Variants in ANKRD17 observed in about 807,000 individuals in gnomAD.
The protein encoded by ANKRD17 is ankyrin repeat domain 17, also known as ankyrin repeat domain-containing protein 17.
ANKRD17 carries 19 observed loss-of-function variants against 229.7 expected under a neutral mutation model. That is an observed-to-expected ratio of 0.08 (90% CI 0.06 to 0.12). The LOEUF (loss-of-function observed/expected upper bound fraction) is 0.12. Ranked by LOEUF, ANKRD17 falls within the 10% of genes least tolerant of loss-of-function variation. ANKRD17 has a pLI of 1.00. For synonymous variants in ANKRD17, 1,112 were observed against 1,146.1 expected (o/e 0.97, Z 0.60); for missense variants, 2,176 against 3,176.8 (o/e 0.68, Z 7.57).
intron 2 of ANKRD17, among the ~76,000 whole-genome samples, chr4:73,172,148 A>G (rs914131032): frequency 6.6e-6 from 1 of 152,228 alleles, no homozygotes; most frequent in African/African-American, 2.4e-5. Flanking sequence ...CCAAAGGTCA[A>G]GGAGGTAAGG....
chr4:73,172,899 T>A (rs2148971653), intron 2 of ANKRD17, among the ~76,000 whole-genome samples: 1 of 151,300 alleles, frequency 6.6e-6, no homozygotes, highest in African/African-American at 2.4e-5. Flanking sequence ...AAGAAGGAAG[T>A]TAACAATACA....
chr4:73,102,121 A>G (rs1295577761), intron 25 of ANKRD17, among the ~76,000 whole-genome samples: 1 of 151,904 alleles, frequency 6.6e-6, no homozygotes, highest in Non-Finnish European at 1.5e-5. Context: ...CAGATAATTA[A>G]AAAAAATTTT....
chr4:73,236,307 C>T (rs1225421421), intron 1 of ANKRD17, among the ~76,000 whole-genome samples: 1 of 152,112 alleles, frequency 6.6e-6, no homozygotes, highest in Non-Finnish European at 1.5e-5. Flanking sequence ...CAGTACGTGC[C>T]ACCACACCCA....
intron 1 of ANKRD17, among the ~76,000 whole-genome samples, chr4:73,208,289 G>A (rs550768451): frequency 6.7e-6 from 1 of 149,820 alleles, no homozygotes; most frequent in East Asian, 2.0e-4. Flanking sequence ...CTTTTCTAAT[G>A]CCCATAAAAA....
chr4:73,089,602 A>AT (rs1261635118), intron 29 of ANKRD17, among the ~76,000 whole-genome samples: 5 of 152,284 alleles, frequency 3.3e-5, no homozygotes, highest in Non-Finnish European at 7.3e-5. Context: ...ACCAATATTA[A>AT]TTTTTTTAGT....
intron 1 of ANKRD17, among the ~76,000 whole-genome samples, chr4:73,231,829 T>C (rs774997962): frequency 2.6e-5 from 4 of 152,174 alleles, no homozygotes; most frequent in Non-Finnish European, 5.9e-5. Context: ...CAACGGCTGA[T>C]AGTTTAATCA....
intron 2 of ANKRD17, among the ~76,000 whole-genome samples, chr4:73,163,784 A>G (rs1486016505): frequency 6.6e-6 from 1 of 152,184 alleles, no homozygotes; most frequent in Non-Finnish European, 1.5e-5. Flanking sequence ...CTCTGCCTTT[A>G]AAATATTTTT....
chr4:73,212,074 CA>C (rs1377622829), intron 1 of ANKRD17, among the ~76,000 whole-genome samples: 1 of 152,072 alleles, frequency 6.6e-6, no homozygotes, highest in Non-Finnish European at 1.5e-5. Flanking sequence ...CTTCTTTATA[CA>C]ATATATACAC....
intron 1 of ANKRD17, among the ~76,000 whole-genome samples, chr4:73,227,413 A>G (rs1401439424): frequency 1.3e-5 from 2 of 152,140 alleles, no homozygotes; most frequent in Non-Finnish European, 2.9e-5. Context: ...TTGGCCTCCC[A>G]AAGTGCTGGG....
chr4:73,258,305 C>A lies in ANKRD17; in HGVS notation c.364G>T (p.Asp122Tyr). The change falls in exon 1 of 34, where the codon GAC becomes TAC. Residue 122 changes from aspartate (D) to tyrosine (Y), a missense_variant. Around this residue, in one of 18 missense-constraint regions of ANKRD17, gnomAD observed 196 missense variants for 190.0 expected, o/e 1.03. Coordinates refer to ENST00000358602, the MANE Select transcript of ANKRD17 (RefSeq NM_032217.5). The part of the protein sequence containing the change: ...SSNNSEEEED[D>Y]DDEEEEVSEV... ...GAAACCTCCTCTTCCTCGTCGTCGT[C>A]GTCCTCTTCTTCCTCGCTGTTGTTA... is the stretch of plus-strand genomic sequence containing the variant. The A allele has an allele frequency of 3.1e-6, 5 of 1,613,854 alleles. No homozygotes were observed. Among genetic ancestry groups the A allele is most frequent in the Non-Finnish European group, 4.2e-6 (5 of 1,180,008 alleles).
chr4:73,120,386 G>A (rs1046620663), intron 20 of ANKRD17, 49 bp from the exon 21 acceptor site: 3 of 1,537,860 alleles, frequency 2.0e-6, no homozygotes, highest in East Asian at 2.3e-5. Context: ...AGACTGGAAA[G>A]ATCTAAAATT....
chr4:73,190,111 G>A (rs1158995955), intron 1 of ANKRD17, among the ~76,000 whole-genome samples: 1 of 152,158 alleles, frequency 6.6e-6, no homozygotes, highest in Non-Finnish European at 1.5e-5. Context: ...GCTTACACCT[G>A]TAATCCTAGC....
chr4:73,114,185 A>G (rs1181897657), intron 23 of ANKRD17, among the ~76,000 whole-genome samples: 1 of 152,358 alleles, frequency 6.6e-6, no homozygotes, highest in East Asian at 1.9e-4. Context: ...TAATTTAAAT[A>G]TAAGAAATTG....
intron 1 of ANKRD17, among the ~76,000 whole-genome samples, chr4:73,220,258 G>A (rs1057497578): frequency 1.3e-5 from 2 of 152,058 alleles, no homozygotes; most frequent in African/African-American, 4.8e-5. Flanking sequence ...CCCTTTTTCT[G>A]CCATCTGTAT....
intron 8 of ANKRD17, 85 bp downstream of exon 8, chr4:73,148,728 G>T (rs1730619644): frequency 8.2e-7 from 1 of 1,220,720 alleles, no homozygotes. Context: ...CTACTAGAAA[G>T]GTGAAATACT....
chr4:73,097,382 TGAC>T, intron 26 of ANKRD17, 110 bp from the exon 27 acceptor site: 11 of 920,656 alleles, frequency 1.2e-5, no homozygotes, highest in East Asian at 3.0e-5. Flanking sequence ...AAATAACAAA[TGAC>T]GACCTTATTT....
chr4:73,252,254 A>G (rs1429607702), intron 1 of ANKRD17, among the ~76,000 whole-genome samples: 2 of 152,234 alleles, frequency 1.3e-5, no homozygotes, highest in Admixed American at 6.5e-5. Context: ...ACAGCACACA[A>G]TGTAAACTGC....
intron 2 of ANKRD17, among the ~76,000 whole-genome samples, chr4:73,162,418 C>G (rs542025963): frequency 6.6e-6 from 1 of 152,140 alleles, no homozygotes; most frequent in African/African-American, 2.4e-5. Flanking sequence ...TAGTTTAGAT[C>G]TCCTAGTCTC....
intron 1 of ANKRD17, among the ~76,000 whole-genome samples, chr4:73,232,300 T>A (rs569538669): frequency 6.6e-6 from 1 of 152,342 alleles, no homozygotes; most frequent in East Asian, 1.9e-4. Flanking sequence ...CTTGATCACA[T>A]GACTTCCACC....
Sources: allele counts gnomAD v4.1 joint callset (sites outside exome capture counted in the v4.1 genomes callset), GRCh38; gene constraint gnomAD v4.1.1; regional missense constraint gnomAD v4.1.1; transcripts MANE v1.5; gene names NCBI Gene and HGNC (gene_info 2026-07-23, HGNC 2026-07-21).